VWA8: variants seen among roughly 807,000 people sequenced by gnomAD.
The protein encoded by VWA8 is von Willebrand factor A domain-containing protein 8.
Under a neutral mutation model 241.5 loss-of-function variants are expected in VWA8, and 221 were observed. That is an observed-to-expected ratio of 0.91 (90% CI 0.82 to 1.02). VWA8 has a LOEUF of 1.02. Among genes scored for constraint, VWA8 ranks in the 50% least tolerant of loss-of-function variants. The probability of loss-of-function intolerance (pLI) is 0.00; values close to 1 mark genes in which losing one functional copy is unlikely to be tolerated. For synonymous variants in VWA8, 852 were observed against 827.1 expected (o/e 1.03, Z -0.52); for missense variants, 2,322 against 2,328.7 (o/e 1.00, Z 0.06).
At chr13:41,860,425 G>A (rs1272988082) in intron 12 of VWA8, among the ~76,000 whole-genome samples, 1 of 152,070 alleles carries the variant, frequency 6.6e-6, no homozygotes, top group Non-Finnish European at 1.5e-5. Flanking sequence ...GTATTTTTCA[G>A]AGAGAGGACT....
At chr13:41,711,602 T>TGC (rs2045317029) in intron 26 of VWA8, among the ~76,000 whole-genome samples, 1 of 152,124 alleles carries the variant, frequency 6.6e-6, no homozygotes, top group Admixed American at 6.5e-5. Context: ...AGGCCGGGCA[T>TGC]GGTGGCTCAT....
chr13:41,910,135 A>G (rs181007259), intron 3 of VWA8, among the ~76,000 whole-genome samples: 10 of 152,342 alleles, frequency 6.6e-5, no homozygotes, highest in Admixed American at 1.3e-4. Flanking sequence ...CAGGTTTCAC[A>G]CTTACAAATC....
intron 21 of VWA8, among the ~76,000 whole-genome samples, chr13:41,755,383 T>C (rs1593747906): frequency 6.6e-6 from 1 of 151,990 alleles, no homozygotes; most frequent in East Asian, 1.9e-4. Flanking sequence ...ACCAATATTG[T>C]TGGAGATACT....
At chr13:41,855,577 A>G (rs1374602996) in intron 12 of VWA8, among the ~76,000 whole-genome samples, 1 of 151,904 alleles carries the variant, frequency 6.6e-6, no homozygotes, top group Admixed American at 6.6e-5. Context: ...ACCAGATGTA[A>G]AAGGCACATA....
At chr13:41,738,585 CCACTGTTTATAAATAAAAACAAATCTACT>C (rs2045543310) in intron 21 of VWA8, among the ~76,000 whole-genome samples, 1 of 152,026 alleles carries the variant, frequency 6.6e-6, no homozygotes, top group Non-Finnish European at 1.5e-5. Flanking sequence ...TCTAAGTTGT[CCACTGTTTATAAATAAAAACAAATCTACT>C]AAAATAGTAT....
intron 21 of VWA8, among the ~76,000 whole-genome samples, chr13:41,758,560 T>C (rs1001803471): frequency 1.4e-5 from 2 of 141,280 alleles, no homozygotes; most frequent in African/African-American, 2.7e-5. Context: ...ATTTTCCTTG[T>C]ATCTTATGAC....
At chr13:41,708,705 GAGTAA>G (rs1400909043) in intron 26 of VWA8, among the ~76,000 whole-genome samples, 1 of 152,180 alleles carries the variant, frequency 6.6e-6, no homozygotes, top group Non-Finnish European at 1.5e-5. Flanking sequence ...CAGAAATGCA[GAGTAA>G]TCTAGATGTA....
intron 8 of VWA8, 112 bp downstream of exon 8, chr13:41,885,808 A>G: frequency 1.4e-6 from 1 of 721,038 alleles, no homozygotes; most frequent in Admixed American, 3.3e-5. Context: ...AGGCCTTACA[A>G]TATTTATAGA....
intron 26 of VWA8, among the ~76,000 whole-genome samples, chr13:41,710,252 T>C (rs2045308017): frequency 1.3e-5 from 2 of 152,192 alleles, no homozygotes; most frequent in African/African-American, 4.8e-5. Context: ...TGCAGGTATA[T>C]TTAGAAACGA....
chr13:41,648,250 C>T (rs2044845134), intron 37 of VWA8, among the ~76,000 whole-genome samples: 1 of 151,940 alleles, frequency 6.6e-6, no homozygotes, highest in South Asian at 2.1e-4. Flanking sequence ...TGGAAAAAAC[C>T]CTACCCAAAT....
chr13:41,715,511 C>T (rs1306301988), intron 26 of VWA8, among the ~76,000 whole-genome samples: 1 of 151,926 alleles, frequency 6.6e-6, no homozygotes, highest in Non-Finnish European at 1.5e-5. Flanking sequence ...CTGAAACACA[C>T]TTTTTAATTT....
At chr13:41,687,605 G>A (rs1313338908) in intron 34 of VWA8, among the ~76,000 whole-genome samples, 1 of 152,118 alleles carries the variant, frequency 6.6e-6, no homozygotes, top group Non-Finnish European at 1.5e-5. Flanking sequence ...TGGCCTAGGG[G>A]ATATAAGCTC....
At chr13:41,841,812 A>T (rs1183951111) in intron 12 of VWA8, among the ~76,000 whole-genome samples, 17 of 29,446 alleles carry the variant, frequency 5.8e-4, no homozygotes, top group African/African-American at 1.4e-3. Context: ...AAAAAAAAAA[A>T]AAAAAAAAAT....
At chr13:41,848,624 C>T (rs577613574) in intron 12 of VWA8, among the ~76,000 whole-genome samples, 38 of 152,298 alleles carry the variant, frequency 2.5e-4, no homozygotes, top group Middle Eastern at 6.8e-3. Flanking sequence ...GCCTGCTTCT[C>T]CTTTGCCTTC....
chr13:41,775,475 A>C (rs569315351), intron 20 of VWA8, among the ~76,000 whole-genome samples: 1 of 152,184 alleles, frequency 6.6e-6, no homozygotes, highest in Non-Finnish European at 1.5e-5. Flanking sequence ...CTGATAAATG[A>C]AAGTTTGTGC....
chr13:41,570,329 T>A, intron 44 of VWA8, 139 bp downstream of exon 44: 1 of 692,824 alleles, frequency 1.4e-6, no homozygotes, highest in Non-Finnish European at 2.4e-6. Context: ...TATAAACCCC[T>A]TGAGGCTAGT....
At chr13:41,912,367 A>C (rs1876052658) in intron 2 of VWA8, among the ~76,000 whole-genome samples, 199 bp from the exon 3 acceptor site, 1 of 152,064 alleles carries the variant, frequency 6.6e-6, no homozygotes, top group Non-Finnish European at 1.5e-5. Context: ...ACACCTGCTG[A>C]ATTTTCACAT....
chr13:41,616,402 A>G (rs1306744771), intron 37 of VWA8, among the ~76,000 whole-genome samples: 2 of 152,230 alleles, frequency 1.3e-5, no homozygotes, highest in Admixed American at 6.5e-5. Context: ...GACAATTGAT[A>G]TAAATTCCAC....
intron 1 of VWA8, among the ~76,000 whole-genome samples, chr13:41,951,399 G>A (rs891020138): frequency 2.0e-5 from 3 of 152,212 alleles, no homozygotes; most frequent in East Asian, 3.9e-4. Context: ...CCTGGGCAAC[G>A]GTGCGACACT....
Sources: allele counts gnomAD v4.1 joint callset (sites outside exome capture counted in the v4.1 genomes callset), GRCh38; gene constraint gnomAD v4.1.1; transcripts MANE v1.5; gene names NCBI Gene and HGNC (gene_info 2026-07-23, HGNC 2026-07-21).